The following CLMN variants were observed in gnomAD, a reference collection of about 807,000 sequenced individuals.
The protein encoded by CLMN is calmin (calponin-like, transmembrane).
A neutral mutation model predicts 92.7 loss-of-function variants in CLMN; 57 were observed. The ratio of observed to expected loss-of-function variants is 0.61; its 90% confidence interval spans 0.50 to 0.77. The LOEUF is 0.77. Among genes scored for constraint, CLMN ranks in the 30% least tolerant of loss-of-function variants. CLMN has a pLI of 0.00. For synonymous variants in CLMN, 466 were observed against 470.6 expected (o/e 0.99, Z 0.13); for missense variants, 1,158 against 1,237.5 (o/e 0.94, Z 0.96).
At chr14:95,300,679 A>T (rs113351126) in intron 1 of CLMN, among the ~76,000 whole-genome samples, 1,608 of 152,196 alleles carry the variant, frequency 0.011, 26 homozygotes, top group African/African-American at 0.035. Flanking sequence ...TCTCATTTCC[A>T]CTTAAAAACA....
At chr14:95,308,646 AC>A (rs1005978550) in intron 1 of CLMN, among the ~76,000 whole-genome samples, 10 of 150,534 alleles carry the variant, frequency 6.6e-5, no homozygotes, top group Non-Finnish European at 1.3e-4. Flanking sequence ...CAGCCTACCA[AC>A]CCCCTCCCCG....
intron 6 of CLMN, among the ~76,000 whole-genome samples, chr14:95,213,004 G>A (rs779976071): frequency 1.4e-4 from 21 of 152,088 alleles, no homozygotes; most frequent in African/African-American, 2.9e-4. Flanking sequence ...TAGCCAGGAT[G>A]GTCTTGATCC....
Position 95,191,801 on chromosome 14 carries a change from C to A in CLMN, c.2841-69G>T. On this transcript the variant is annotated intron_variant, in intron 12 of 12. Transcript: ENST00000298912. This position sits in a 1 kb window ranked among gnomAD's most constrained non-coding sequence, Gnocchi z 5.3. ...CCAGGAAAGTGGACCCCACCCAGTG[C>A]TACCCGTCTCTCCCCGGCCCCCACT... The A allele has an allele frequency of 6.8e-7, 1 of 1,466,476 alleles. No individual in the cohort carries two copies. The highest frequency in any genetic ancestry group is 9.2e-7 in the Non-Finnish European group (1 of 1,091,288). The allele number at this position is 1,466,476 out of a possible 1,614,324, so 90.8% of individuals were successfully genotyped here. A position where few individuals can be genotyped will look rare whatever the true frequency, so the allele number is the denominator to read the frequency against.
chr14:95,244,672 T>C (rs1898390794), intron 1 of CLMN, among the ~76,000 whole-genome samples: 2 of 152,224 alleles, frequency 1.3e-5, no homozygotes, highest in Non-Finnish European at 2.9e-5. Context: ...CCTCTATATA[T>C]GCTATGAAAA....
intron 1 of CLMN, among the ~76,000 whole-genome samples, chr14:95,304,231 G>A (rs1373885517): frequency 6.6e-6 from 1 of 152,132 alleles, no homozygotes; most frequent in Non-Finnish European, 1.5e-5. Context: ...AGCTACTTGG[G>A]AGACTGAGGC....
In CLMN at chr14:95,196,613, T is replaced by C. The variant is rs1896721006; in HGVS notation, c.2593A>G (p.Lys865Glu). Residue 865 changes from lysine to glutamate, a missense_variant, in exon 10 of 13, where the codon AAG becomes GAG. By Grantham distance (56) the Lys-to-Glu change is moderately conservative. Coordinates refer to ENST00000298912, the MANE Select transcript of CLMN (RefSeq NM_024734.4). The part of the protein sequence containing the change: ...VTKESISSKK[K>E]EKRKHVDHVE... ...TGGTCCACATGTTTCCTTTTTTCCT[T>C]TTTTTTACTACTGATTGATTCTTTC... The C allele has an allele frequency of 6.2e-7, 1 of 1,614,056 alleles. No individual in the cohort carries two copies. Among genetic ancestry groups the C allele is most frequent in the Admixed American group, 1.7e-5 (1 of 60,002 alleles).
Position 95,194,115 on chromosome 14 carries a change from T to G in CLMN, c.2770-196A>C. The G allele has an allele frequency of 9.1e-6, 13 of 1,420,816 alleles. No homozygotes were observed. The highest frequency in any genetic ancestry group is 1.0e-5 in the Non-Finnish European group (11 of 1,094,378). The allele number at this position is 1,420,816 out of a possible 1,614,324, so 88.0% of individuals were successfully genotyped here. On this transcript the variant is annotated intron_variant, in intron 11 of 12. Transcript: ENST00000298912. The surrounding 1 kb of genome is among the most constrained non-coding windows in gnomAD (Gnocchi z 4.0). ...TACCTCCTCCCCTAAGCCCCTCCCT[T>G]GTGAGTGCGAGAGACCCCACCACCC...
rs1292295499 is a variant in CLMN at position 95,203,776 on chromosome 14, G to A, written c.1573C>T (p.Leu525Phe). The part of the protein sequence containing the change: ...TARHDEESHS[L>F]SPPGENTVMA... ...ACAGTATTTTCTCCTGGGGGTGAAA[G>A]AGAGTGACTTTCTTCATCGTGGCGG... Residue 525 changes from leucine (L) to phenylalanine (F), a missense_variant, in exon 9 of 13, where the codon CTT (leucine) becomes TTT (phenylalanine). Physicochemically the swap from Leu to Phe is conservative, Grantham distance 22 (BLOSUM62 0). Coordinates refer to ENST00000298912, the MANE Select transcript of CLMN (RefSeq NM_024734.4). 3.1e-6 allele frequency: 5 copies of A among 1,614,166 alleles called. No homozygotes were observed. The South Asian group carries it at 4.4e-5, about 14-fold the overall frequency.
At chr14:95,245,192 ATAAT>A (rs1158981771) in intron 1 of CLMN, among the ~76,000 whole-genome samples, 2 of 38,090 alleles carry the variant, frequency 5.3e-5, no homozygotes, top group Non-Finnish European at 8.6e-5. Context: ...ATATATATAT[ATAAT>A]ATATATATAT....
chr14:95,240,626 G>A (rs891797033), intron 1 of CLMN, among the ~76,000 whole-genome samples: 18 of 152,314 alleles, frequency 1.2e-4, no homozygotes, highest in African/African-American at 4.1e-4. Flanking sequence ...CCACAGTCAC[G>A]TGGGGTGGTA....
intron 1 of CLMN, among the ~76,000 whole-genome samples, chr14:95,265,618 C>T (rs1290313263): frequency 1.3e-5 from 2 of 152,206 alleles, no homozygotes; most frequent in African/African-American, 4.8e-5. Flanking sequence ...GTGAATCAGA[C>T]CATCTGTGAG....
At chr14:95,198,309 C>A (rs1178710765) in intron 9 of CLMN, among the ~76,000 whole-genome samples, 13 of 151,436 alleles carry the variant, frequency 8.6e-5, no homozygotes. Context: ...TTCAGCCTCC[C>A]AAAGGGCAGG....
chr14:95,200,580 C>T (rs1238549500), intron 9 of CLMN, among the ~76,000 whole-genome samples: 1 of 152,150 alleles, frequency 6.6e-6, no homozygotes, highest in African/African-American at 2.4e-5. Context: ...CAGGACGCAG[C>T]ACTTATTAAC....
chr14:95,312,099 C>A (rs535337593), intron 1 of CLMN, among the ~76,000 whole-genome samples: 39 of 152,268 alleles, frequency 2.6e-4, no homozygotes, highest in Non-Finnish European at 4.4e-4. Flanking sequence ...ACAGGGCAGT[C>A]TAGCTGTGCA....
Position 95,203,501 on chromosome 14 carries a change from C to A in CLMN, c.1848G>T (p.Lys616Asn), listed in dbSNP as rs777479899. The A allele has an allele frequency of 7.4e-6, 12 of 1,614,016 alleles. No individual in the cohort carries two copies. Among genetic ancestry groups the A allele is most frequent in the Non-Finnish European group, 1.0e-5 (12 of 1,180,036 alleles). ...GKRSIKSAHKKKDSPEPQVKM... is the reference protein window; with the variant it reads ...GKRSIKSAHKNKDSPEPQVKM... ...TAACTTGAGGCTCTGGCGAATCCTT[C>A]TTTTTGTGAGCAGATTTAATACTCC... The change falls in exon 9 of 13, where the codon AAG becomes AAT. Residue 616 changes from lysine (K) to asparagine (N), a missense_variant. Coordinates refer to ENST00000298912, the MANE Select transcript of CLMN (RefSeq NM_024734.4).
chr14:95,188,493 C>T lies in CLMN; in HGVS notation c.*3071G>A, dbSNP rs1896489329. On this transcript the variant is annotated 3_prime_UTR_variant, in exon 13 of 13. Transcript: ENST00000298912. Reference sequence around the variant, plus strand: ...AAAAATGAATAATTCTTCCTGAAAGCAGATCAGAAACATAGACGAAAAATA... The same window carrying T: ...AAAAATGAATAATTCTTCCTGAAAGTAGATCAGAAACATAGACGAAAAATA... The T allele has an allele frequency of 6.6e-6, 1 of 152,076 alleles. No homozygotes were observed. Among genetic ancestry groups the T allele is most frequent in the African/African-American group, 2.4e-5 (1 of 41,376 alleles). 9.4% of individuals were successfully genotyped at this position (152,076 alleles called of 1,614,324 possible).
chr14:95,311,690 C>T (rs76580215), intron 1 of CLMN, among the ~76,000 whole-genome samples: 8,059 of 152,198 alleles, frequency 0.053, 238 homozygotes, highest in Middle Eastern at 0.088. Flanking sequence ...CTGCATGCCC[C>T]GACCCAACCC....
At chr14:95,301,183 G>A (rs1346799512) in intron 1 of CLMN, among the ~76,000 whole-genome samples, 1 of 152,148 alleles carries the variant, frequency 6.6e-6, no homozygotes, top group Non-Finnish European at 1.5e-5. Flanking sequence ...GGGCCCCAAA[G>A]CTGAAGCTGC....
Position 95,319,822 on chromosome 14 carries a change from G to A in CLMN, c.-30C>T, listed in dbSNP as rs771054775. ...CGCGGGCGGGAGAGCCCGGGCCAGCGCGGCGCGGGCGGCGGGCGCGGAGAG... is the reference window on the plus strand; with the variant it reads ...CGCGGGCGGGAGAGCCCGGGCCAGCACGGCGCGGGCGGCGGGCGCGGAGAG... On this transcript the variant is annotated 5_prime_UTR_variant, in exon 1 of 13. Coordinates refer to ENST00000298912, the MANE Select transcript of CLMN (RefSeq NM_024734.4). 1 of 1,300,744 alleles carries A rather than the reference G, an allele frequency of 7.7e-7. No homozygotes were observed. The allele number at this position is 1,300,744 out of a possible 1,614,324, so 80.6% of individuals were successfully genotyped here.
Sources: allele counts gnomAD v4.1 joint callset (sites outside exome capture counted in the v4.1 genomes callset), GRCh38; gene constraint gnomAD v4.1.1; non-coding constraint Gnocchi (gnomAD v3.1); transcripts MANE v1.5; gene names NCBI Gene and HGNC (gene_info 2026-07-23, HGNC 2026-07-21).